The following CFAP251 variants were observed in gnomAD, a reference collection of about 807,000 sequenced individuals.
CFAP251 encodes cilia- and flagella-associated protein 251.
Under a neutral mutation model 126.7 loss-of-function variants are expected in CFAP251, and 93 were observed. The ratio of observed to expected loss-of-function variants is 0.73; its 90% CI spans 0.62 to 0.87. The LOEUF is 0.87. Among genes scored for constraint, CFAP251 ranks in the 40% least tolerant of loss-of-function variants. The probability of loss-of-function intolerance (pLI) is 0.00; values close to 1 mark genes in which losing one functional copy is unlikely to be tolerated. For synonymous variants in CFAP251, 503 were observed against 506.9 expected (o/e 0.99, Z 0.10); for missense variants, 1,287 against 1,389.2 (o/e 0.93, Z 1.17).
chr12:121,930,134 T>C (rs908121796), intron 3 of CFAP251, among the ~76,000 whole-genome samples: 66 of 152,292 alleles, frequency 4.3e-4, no homozygotes, highest in South Asian at 3.3e-3. Flanking sequence ...CCTTTTTTTT[T>C]CCTCGTTGAA....
chr12:121,968,543 C>T (rs77705207), intron 17 of CFAP251, among the ~76,000 whole-genome samples: 1 of 148,750 alleles, frequency 6.7e-6, no homozygotes, highest in Admixed American at 6.7e-5. Context: ...CCTCTTCTCA[C>T]CCTCCCTGCC....
intron 7 of CFAP251, among the ~76,000 whole-genome samples, chr12:121,947,195 C>T (rs929923520): frequency 6.6e-6 from 1 of 152,232 alleles, no homozygotes; most frequent in East Asian, 1.9e-4. Flanking sequence ...GTCTTCCTTT[C>T]CTGCTGACTA....
chr12:121,945,164 A>G (rs895909422), intron 7 of CFAP251, among the ~76,000 whole-genome samples: 4 of 151,894 alleles, frequency 2.6e-5, no homozygotes, highest in African/African-American at 9.7e-5. Flanking sequence ...ATATCCTGAA[A>G]TCTTTCCTCT....
intron 20 of CFAP251, among the ~76,000 whole-genome samples, chr12:122,000,194 G>A (rs552114213): frequency 4.5e-4 from 68 of 152,254 alleles, no homozygotes; most frequent in Non-Finnish European, 8.1e-4. Flanking sequence ...AGCAAGACTC[G>A]GCATCCTCAC....
chr12:121,956,172 A>G (rs781283920), intron 10 of CFAP251, among the ~76,000 whole-genome samples: 1 of 152,242 alleles, frequency 6.6e-6, no homozygotes, highest in Non-Finnish European at 1.5e-5. Context: ...ATGACTGGAC[A>G]GGGTTTTATG....
At chr12:121,971,529 C>G (rs1385329709) in intron 17 of CFAP251, 1 of 702,622 alleles carries the variant, frequency 1.4e-6, no homozygotes, top group South Asian at 1.5e-5. Flanking sequence ...TGAGTGAGTT[C>G]CATGTATCAT....
chr12:121,971,238 C>G (rs1202759804), intron 17 of CFAP251, among the ~76,000 whole-genome samples: 1 of 152,244 alleles, frequency 6.6e-6, no homozygotes, highest in Non-Finnish European at 1.5e-5. Context: ...CAGCTGGACA[C>G]TTGCCTCCAT....
chr12:121,944,704 G>A (rs1226101100), intron 7 of CFAP251, among the ~76,000 whole-genome samples: 3 of 152,114 alleles, frequency 2.0e-5, no homozygotes, highest in African/African-American at 4.8e-5. Context: ...GTATAAAAAG[G>A]CAGCTAATTT....
At chr12:121,943,312 C>CA (rs1330685666) in intron 7 of CFAP251, among the ~76,000 whole-genome samples, 13 of 152,066 alleles carry the variant, frequency 8.5e-5, no homozygotes, top group African/African-American at 3.1e-4. Flanking sequence ...GACTCTGTCT[C>CA]AAAAAAACAA....
Position 121,957,110 on chromosome 12 carries a change from G to C in CFAP251, c.1572G>C (p.Lys524Asn), listed in dbSNP as rs879091742. 4 of 1,608,522 alleles carry C rather than the reference G, an allele frequency of 2.5e-6. No homozygotes were observed. In the Admixed American group the frequency reaches 6.8e-5, roughly 27 times the overall value. Residue 524 changes from lysine to asparagine, a missense_variant, in exon 11 of 22, where the codon AAG becomes AAC. By Grantham distance (94) the Lys-to-Asn change is moderately conservative. Transcript: ENST00000288912. ...IVTGDIKGNI[K>N]FYDHTLSIVN... ...CAGGTGACATTAAGGGGAACATTAAGTTCTATGATCACACCCTGTCTATTG... is the reference window on the plus strand; with the variant it reads ...CAGGTGACATTAAGGGGAACATTAACTTCTATGATCACACCCTGTCTATTG...
intron 3 of CFAP251, among the ~76,000 whole-genome samples, chr12:121,929,793 T>C (rs1232374771): frequency 1.3e-5 from 2 of 152,068 alleles, no homozygotes; most frequent in Non-Finnish European, 2.9e-5. Context: ...TTCTCCTGGC[T>C]CAGCCTCCCA....
At chr12:121,973,767 C>T (rs990793372) in intron 17 of CFAP251, among the ~76,000 whole-genome samples, 1 of 152,194 alleles carries the variant, frequency 6.6e-6, no homozygotes, top group African/African-American at 2.4e-5. Context: ...CCAATTCCTC[C>T]CATTTGGAAT....
At chr12:121,991,117 A>G (rs563016484) in intron 19 of CFAP251, among the ~76,000 whole-genome samples, 1 of 152,348 alleles carries the variant, frequency 6.6e-6, no homozygotes, top group East Asian at 1.9e-4. Context: ...TTTCAAGAGA[A>G]TTCTTTTTGT....
In CFAP251 at chr12:121,923,020, C is replaced by T. The variant is rs568028193; in HGVS notation, c.379-602C>T. ...CCATGTTAGCCAGGATGGTCTCGAT[C>T]TCCTGACCTCGTGATCTGCCCGCCT... is the stretch of plus-strand genomic sequence containing the variant. On this transcript the variant is annotated intron_variant, in intron 2 of 21. Coordinates refer to ENST00000288912, the MANE Select transcript of CFAP251 (RefSeq NM_144668.6). 9.2e-5 allele frequency among the ~76,000 whole-genome samples: 14 copies of T among 152,084 alleles called. 1 individual carries two copies. In the South Asian group the frequency reaches 2.9e-3, roughly 32 times the overall value.
At chr12:121,972,586 T>G (rs1882363541) in intron 17 of CFAP251, among the ~76,000 whole-genome samples, 1 of 152,048 alleles carries the variant, frequency 6.6e-6, no homozygotes, top group African/African-American at 2.4e-5. Context: ...CCTCCCGGGT[T>G]CAAGTGATTC....
At chr12:121,931,909 C>T (rs772346170) in intron 4 of CFAP251, 23 bp downstream of exon 4, 2 of 1,507,772 alleles carry the variant, frequency 1.3e-6, no homozygotes, top group Non-Finnish European at 1.8e-6. Flanking sequence ...TTCCTTCCTA[C>T]AGGTGGGGGA....
intron 19 of CFAP251, among the ~76,000 whole-genome samples, chr12:121,990,542 CCT>C (rs1195833553): frequency 6.6e-6 from 1 of 152,194 alleles, no homozygotes; most frequent in Non-Finnish European, 1.5e-5. Context: ...CCTCTGACCT[CCT>C]ACTGGCCAAA....
intron 19 of CFAP251, among the ~76,000 whole-genome samples, chr12:121,987,127 A>G (rs1882768762): frequency 6.6e-6 from 1 of 152,216 alleles, no homozygotes; most frequent in Non-Finnish European, 1.5e-5. Flanking sequence ...CTGTTCTGAT[A>G]AAGACCCCGA....
In CFAP251 at chr12:121,946,321, G is replaced by C. The variant is rs575120078; in HGVS notation, c.1192-2663G>C. ...GTTAATGGACATTGGGTTGTTTCCT[G>C]GTTGTGGCTATTGAAAATAAAGCTG... is the stretch of plus-strand genomic sequence containing the variant. On this transcript the variant is annotated intron_variant, in intron 7 of 21. Transcript: ENST00000288912. Among the ~76,000 whole-genome samples the C allele has an allele frequency of 5.9e-5, 9 of 152,286 alleles. No homozygotes were observed. The East Asian group carries it at 1.7e-3, about 29-fold the overall frequency.
Sources: gnomAD v4.1 joint callset for allele counts (sites outside exome capture counted in the v4.1 genomes callset) on GRCh38, gnomAD v4.1.1 for gene constraint, MANE v1.5 for transcripts, NCBI Gene and HGNC (gene_info 2026-07-23, HGNC 2026-07-21) for gene names.